Variants in DLEC1 observed in about 807,000 individuals in gnomAD.
The protein encoded by DLEC1 is deleted in lung and esophageal cancer protein 1.
DLEC1 carries 146 observed loss-of-function variants against 198.1 expected under a neutral mutation model. That is an observed-to-expected ratio of 0.74 (90% CI 0.64 to 0.85). DLEC1 has a LOEUF of 0.85. Among genes scored for constraint, DLEC1 ranks in the 40% least tolerant of loss-of-function variants. The pLI is 0.00. For synonymous variants in DLEC1, 897 were observed against 866.8 expected (o/e 1.03, Z -0.61); for missense variants, 2,233 against 2,220.0 (o/e 1.01, Z -0.12).
intron 19 of DLEC1, among the ~76,000 whole-genome samples, chr3:38,105,011 A>G (rs1699496718): frequency 6.6e-6 from 1 of 152,006 alleles, no homozygotes; most frequent in African/African-American, 2.4e-5. Flanking sequence ...TTTCATTTTC[A>G]TTGATATAAA....
chr3:38,088,274 G>A (rs1698566685), intron 9 of DLEC1, 22 bp from the exon 10 acceptor site: 1 of 1,605,272 alleles, frequency 6.2e-7, no homozygotes, highest in East Asian at 2.2e-5. Flanking sequence ...CCACACTGTT[G>A]GGTAATCTGC....
Position 38,052,373 on chromosome 3 carries a change from T to C in DLEC1, c.562+6680T>C, listed in dbSNP as rs557647520. ...GAGAATGACTGCATCTTTGATAGCT[T>C]TGAATGTTGCTGGAATGGTTCGGAT... is the stretch of plus-strand genomic sequence containing the variant. On this transcript the variant is annotated intron_variant, in intron 2 of 36. Coordinates refer to ENST00000308059, the MANE Select transcript of DLEC1 (RefSeq NM_007335.4). 31 of 299,594 alleles carry C rather than the reference T, an allele frequency of 1.0e-4. 1 individual carries two copies. The South Asian group carries it at 1.1e-3, about 10-fold the overall frequency. The allele number at this position is 299,594 out of a possible 1,614,324, so 18.6% of individuals were successfully genotyped here.
In DLEC1 at chr3:38,121,566, T is replaced by C. The variant is rs1700462625; in HGVS notation, c.4867-62T>C. 6 of 1,563,358 alleles carry C rather than the reference T, an allele frequency of 3.8e-6. No individual in the cohort carries two copies. The South Asian group carries it at 7.1e-5, about 19-fold the overall frequency. On this transcript the variant is annotated intron_variant, in intron 34 of 36. Coordinates refer to ENST00000308059, the MANE Select transcript of DLEC1 (RefSeq NM_007335.4). Reference sequence around the variant, plus strand: ...CACTTGGGGTCAGCAGGGTTCTGTGTGTCCCAGAGGCCCTGGCTCAGAGCC... The same window carrying C: ...CACTTGGGGTCAGCAGGGTTCTGTGCGTCCCAGAGGCCCTGGCTCAGAGCC...
Position 38,086,293 on chromosome 3 carries a change from C to T in DLEC1, c.1488C>T (p.Thr496=), listed in dbSNP as rs369825064. ...GYCLIGGVKM[T]RFICKNVGFS... ...GCCTCATTGGGGGAGTCAAGATGAC[C>T]AGATTCATCTGCAAAAATGTGGGTT... The change falls in exon 9 of 37, where the codon ACC becomes ACT. Residue 496 remains threonine, a synonymous_variant. Coordinates refer to ENST00000308059, the MANE Select transcript of DLEC1 (RefSeq NM_007335.4). 11 of 1,612,678 alleles carry T rather than the reference C, an allele frequency of 6.8e-6. No homozygotes were observed. Among genetic ancestry groups the T allele is most frequent in the Non-Finnish European group, 8.5e-6 (10 of 1,179,324 alleles).
intron 33 of DLEC1, among the ~76,000 whole-genome samples, chr3:38,118,538 G>A (rs576135429): frequency 6.6e-6 from 1 of 152,316 alleles, no homozygotes; most frequent in East Asian, 1.9e-4. Context: ...GTTAGGTAGG[G>A]GAAGGTCTTG....
intron 19 of DLEC1, among the ~76,000 whole-genome samples, chr3:38,105,455 T>TAG (rs1372759379): frequency 6.6e-6 from 1 of 152,204 alleles, no homozygotes; most frequent in Non-Finnish European, 1.5e-5. Context: ...GTGCTGTTGT[T>TAG]AGATACATAC....
chr3:38,100,335 G>T lies in DLEC1; in HGVS notation c.2774G>T (p.Gly925Val), dbSNP rs756784916. The T allele has an allele frequency of 1.2e-6, 2 of 1,613,926 alleles. No individual in the cohort carries two copies. Among genetic ancestry groups the T allele is most frequent in the East Asian group, 2.2e-5 (1 of 44,852 alleles). The change falls in exon 19 of 37, where the codon GGG becomes GTG. Residue 925 changes from glycine to valine, a missense_variant. Coordinates refer to ENST00000308059, the MANE Select transcript of DLEC1 (RefSeq NM_007335.4). ...TCGAGTGGCCAGCTTCACTCTCTGG[G>T]GGAGTGCAGGGTGGACATCACCTTG... ...EPSSGQLHSL[G>V]ECRVDITLEA...
At position 38,116,984 on chromosome 3, in the gene DLEC1, G is replaced by C; in HGVS notation, c.4189G>C (p.Ala1397Pro). The change falls in exon 30 of 37, where the codon GCT (alanine) becomes CCT (proline). Residue 1397 changes from alanine to proline, a missense_variant. Physicochemically the swap from Ala to Pro is conservative, Grantham distance 27 (BLOSUM62 -1). Coordinates refer to ENST00000308059, the MANE Select transcript of DLEC1 (RefSeq NM_007335.4). ...GCTGTGTCTATGCCAGGTGGTCCCT[G>C]CTGGGGGCAGCAGTACCATCTACAT... ...CISPKQVVVPAGGSSTIYISF... is the reference protein window; with the variant it reads ...CISPKQVVVPPGGSSTIYISF... 1 of 1,613,878 alleles carries C rather than the reference G, an allele frequency of 6.2e-7. No homozygotes were observed. Among genetic ancestry groups the C allele is most frequent in the Non-Finnish European group, 8.5e-7 (1 of 1,179,954 alleles).
intron 6 of DLEC1, among the ~76,000 whole-genome samples, chr3:38,069,270 C>G (rs980550474): frequency 6.6e-6 from 1 of 152,054 alleles, no homozygotes; most frequent in Non-Finnish European, 1.5e-5. Context: ...AAAAGAAACA[C>G]CAGGCCCAGA....
intron 23 of DLEC1, 119 bp from the exon 24 acceptor site, chr3:38,111,558 G>A: frequency 9.7e-7 from 1 of 1,026,550 alleles, no homozygotes; most frequent in Non-Finnish European, 1.4e-6. Context: ...GGGAAGAGCA[G>A]GCAGGGCCAC....
Position 38,123,606 on chromosome 3 carries a change from G to C in DLEC1, c.*1194G>C, listed in dbSNP as rs934499264. On this transcript the variant is annotated 3_prime_UTR_variant, in exon 37 of 37. Transcript: ENST00000308059. ...TAGTCCCAGCTATTCAGCAGGCTGA[G>C]GCAAGAGGATCACTTGTGCCTAGGA... The C allele has an allele frequency of 6.3e-6, 1 of 159,574 alleles. No individual in the cohort carries two copies. Among genetic ancestry groups the C allele is most frequent in the African/African-American group, 2.4e-5 (1 of 41,514 alleles). 9.9% of individuals were successfully genotyped at this position (159,574 alleles called of 1,614,324 possible). A position where few individuals can be genotyped will look rare whatever the true frequency, so the allele number is the denominator to read the frequency against.
In DLEC1 at chr3:38,112,108, A is replaced by G. The variant is rs1046902022; in HGVS notation, c.3515-102A>G. On this transcript the variant is annotated intron_variant, in intron 24 of 36. Coordinates refer to ENST00000308059, the MANE Select transcript of DLEC1 (RefSeq NM_007335.4). The surrounding 1 kb of genome is among the most constrained non-coding windows in gnomAD (Gnocchi z 4.8). ...TGTAGCCTGACCAAGGAGAGGCTGG[A>G]GGGTGGCTTATCGGGGACAGTGCTT... 5.2e-6 allele frequency: 8 copies of G among 1,544,738 alleles called. No individual in the cohort carries two copies. Among genetic ancestry groups the G allele is most frequent in the Non-Finnish European group, 4.4e-6 (5 of 1,132,836 alleles).
chr3:38,043,369 A>C (rs1433449547), intron 1 of DLEC1, among the ~76,000 whole-genome samples: 1 of 152,252 alleles, frequency 6.6e-6, no homozygotes, highest in Non-Finnish European at 1.5e-5. Context: ...TATTTGGACT[A>C]GATGCTAATT....
At chr3:38,061,820 A>G (rs1016034046) in intron 3 of DLEC1, among the ~76,000 whole-genome samples, 5 of 152,118 alleles carry the variant, frequency 3.3e-5, no homozygotes, top group African/African-American at 1.2e-4. Flanking sequence ...GGCATGCACT[A>G]CCACACCCAG....
chr3:38,080,900 G>A (rs567509185), intron 6 of DLEC1, among the ~76,000 whole-genome samples: 2 of 139,626 alleles, frequency 1.4e-5, no homozygotes, highest in South Asian at 2.4e-4. Flanking sequence ...ATAGTGGAGG[G>A]AAGGTCAGCA....
intron 1 of DLEC1, among the ~76,000 whole-genome samples, chr3:38,040,367 AT>A (rs1700596753): frequency 6.6e-6 from 1 of 152,120 alleles, no homozygotes; most frequent in Non-Finnish European, 1.5e-5. Context: ...GGCAGTGGGG[AT>A]TCAGCAGTGA....
At chr3:38,075,781 A>C (rs2125644200) in intron 6 of DLEC1, among the ~76,000 whole-genome samples, 1 of 152,088 alleles carries the variant, frequency 6.6e-6, no homozygotes, top group South Asian at 2.1e-4. Context: ...CCCCTAGAAA[A>C]GCGGGACTTG....
At chr3:38,091,937 A>T (rs1014667062) in intron 10 of DLEC1, among the ~76,000 whole-genome samples, 1 of 152,236 alleles carries the variant, frequency 6.6e-6, no homozygotes, top group African/African-American at 2.4e-5. Flanking sequence ...ATGGAAAATA[A>T]TATGGAGTTC....
At chr3:38,120,923 C>T (rs1009434395) in intron 34 of DLEC1, among the ~76,000 whole-genome samples, 3 of 152,194 alleles carry the variant, frequency 2.0e-5, no homozygotes, top group African/African-American at 4.8e-5. Context: ...GACAGCCAGG[C>T]CAAAAGAAAG....
Sources: gnomAD v4.1 joint callset for allele counts (sites outside exome capture counted in the v4.1 genomes callset) on GRCh38, gnomAD v4.1.1 for gene constraint, Gnocchi (gnomAD v3.1) non-coding constraint, MANE v1.5 for transcripts, NCBI Gene and HGNC (gene_info 2026-07-23, HGNC 2026-07-21) for gene names.